The following CAPN11 variants were observed in gnomAD, a reference collection of about 807,000 sequenced individuals.
The protein encoded by CAPN11 is calpain 11.
CAPN11 carries 108 observed loss-of-function variants against 105.3 expected under a neutral mutation model. That is an observed-to-expected ratio of 1.03 (90% CI 0.88 to 1.20). The LOEUF is 1.20. Ranked by LOEUF, CAPN11 falls within the 50% of genes most tolerant of loss-of-function variation. The pLI, the probability that CAPN11 is intolerant of heterozygous loss-of-function variation, is 0.00. For missense variants in CAPN11, 883 were observed against 924.8 expected, an observed-to-expected ratio of 0.95 and a Z score of 0.59; for synonymous variants, 329 against 344.5, an observed-to-expected ratio of 0.96 and a Z score of 0.50.
chr6:44,176,587 G>A lies in CAPN11; in HGVS notation c.1008G>A (p.Arg336=). ...CCGCCCATCTCTGCTCCAGTGCCAG[G>A]GAGTGGGAAGAGGTGGCCTCAGACA... ...EWNGAWSDSA[R]EWEEVASDIQ... is the part of the protein sequence containing the mutation. Residue 336 remains arginine (R), a synonymous_variant, in exon 10 of 23, where the codon AGG becomes AGA. Coordinates refer to ENST00000398776, the MANE Select transcript of CAPN11 (RefSeq NM_007058.4). The A allele has an allele frequency of 1.2e-6, 2 of 1,612,314 alleles. No homozygotes were observed. Among genetic ancestry groups the A allele is most frequent in the South Asian group, 1.1e-5 (1 of 90,952 alleles).
At chr6:44,159,629 G>C (rs973041379) in intron 1 of CAPN11, among the ~76,000 whole-genome samples, 2 of 152,114 alleles carry the variant, frequency 1.3e-5, no homozygotes, top group African/African-American at 4.8e-5. Flanking sequence ...TTGTTCTTCA[G>C]AAGTGCCCTG....
rs575121182 is a variant in CAPN11, at chr6:44,176,947, G to A, written c.1186G>A (p.Glu396Lys). The A allele has an allele frequency of 3.3e-5, 53 of 1,613,884 alleles. No individual in the cohort carries two copies. Among genetic ancestry groups the A allele is most frequent in the South Asian group, 3.1e-4 (28 of 91,084 alleles). ...YKSYWHTTFY[E>K]GSWRRGSSAG... ...GAGCTACTGGCACACCACCTTCTAC[G>A]AGGGCAGCTGGCGCAGAGGCAGCTC... Residue 396 changes from glutamate to lysine, a missense_variant, in exon 11 of 23, where the codon GAG becomes AAG. By Grantham distance (56) the Glu-to-Lys change is moderately conservative. Coordinates refer to ENST00000398776, the MANE Select transcript of CAPN11 (RefSeq NM_007058.4).
In CAPN11 at chr6:44,176,062, C is replaced by T; in HGVS notation, c.832-6C>T. On this transcript the variant is annotated splice_region_variant and splice_polypyrimidine_tract_variant and intron_variant, in intron 7 of 22. Coordinates refer to ENST00000398776, the MANE Select transcript of CAPN11 (RefSeq NM_007058.4). ...TCCATGCTCTCCCTCCCTCTCTGTT[C>T]TGTAGGTCACCAGTGATAGTGAACT... The T allele has an allele frequency of 6.2e-7, 1 of 1,603,678 alleles. No individual in the cohort carries two copies. Among genetic ancestry groups the T allele is most frequent in the South Asian group, 1.1e-5 (1 of 89,746 alleles).
intron 18 of CAPN11, 25 bp downstream of exon 18, chr6:44,181,022 T>C: frequency 6.2e-7 from 1 of 1,602,848 alleles, no homozygotes; most frequent in Non-Finnish European, 8.5e-7. Context: ...AGTGCTCTCT[T>C]GGCCCTGTCC....
At position 44,173,193 on chromosome 6, in the gene CAPN11, AACAGTGCCTTCTCTGTGCCC is replaced by A; in HGVS notation, c.663-20_663-1del. On this transcript the variant is annotated splice_region_variant and splice_polypyrimidine_tract_variant and intron_variant, in intron 6 of 22. Transcript: ENST00000398776. Reference sequence around the variant, plus strand: ...TCCCCTCACCTCCATCCTAGAGCCCAACAGTGCCTTCTCTGTGCCCACAGGCTGAGTGGGTCCTATGAAGC... The same window carrying A: ...TCCCCTCACCTCCATCCTAGAGCCCAACAGGCTGAGTGGGTCCTATGAAGC... 6.2e-7 allele frequency: 1 copy of A among 1,612,932 alleles called. No homozygotes were observed. The highest frequency in any genetic ancestry group is 8.5e-7 in the Non-Finnish European group (1 of 1,179,132).
At chr6:44,179,372 C>G (rs1772746173) in intron 12 of CAPN11, among the ~76,000 whole-genome samples, 1 of 151,012 alleles carries the variant, frequency 6.6e-6, no homozygotes, top group African/African-American at 2.4e-5. Context: ...ATGATCGTGA[C>G]TCACTGCAGC....
intron 3 of CAPN11, 71 bp downstream of exon 3, chr6:44,169,602 G>C: frequency 1.4e-6 from 2 of 1,425,466 alleles, no homozygotes; most frequent in Non-Finnish European, 1.9e-6. Context: ...ATCACTTTTA[G>C]AATCTTCAAT....
rs762610901 is a variant in CAPN11 at position 44,172,363 on chromosome 6, C to T, written c.471C>T (p.Arg157=). Residue 157 remains arginine (R), a synonymous_variant, in exon 5 of 23, where the codon CGC becomes CGT. Transcript: ENST00000398776. The stretch of plus-strand genomic sequence containing the variant: ...CCACCTGCCCCAAACTGCTATACCG[C>T]GTGGTGCCCAGAGGACAGAGCTTCA... ...SLTTCPKLLY[R]VVPRGQSFKK... 19 of 1,562,322 alleles carry T rather than the reference C, an allele frequency of 1.2e-5. No individual in the cohort carries two copies. The highest frequency in any genetic ancestry group is 5.4e-5 in the African/African-American group (4 of 73,502).
intron 16 of CAPN11, 34 bp downstream of exon 16, chr6:44,180,696 G>A: frequency 6.2e-7 from 1 of 1,613,662 alleles, no homozygotes; most frequent in Non-Finnish European, 8.5e-7. Context: ...CTGACAGGAG[G>A]GGGATGAGGG....
In CAPN11 at chr6:44,177,373, C is replaced by A. The variant is rs375678459; in HGVS notation, c.1369C>A (p.Arg457=). 3 of 1,613,854 alleles carry A rather than the reference C, an allele frequency of 1.9e-6. No homozygotes were observed. The South Asian group carries it at 3.3e-5, about 18-fold the overall frequency. ...AATGCAGAAGAACTGGCGGCATGCA[C>A]GGCAGCAGGGAGCCCAGCTGCAGAC... is the stretch of plus-strand genomic sequence containing the variant. ...ALMQKNWRHA[R]QQGAQLQTIG... is the part of the protein sequence containing the mutation. Residue 457 remains arginine (R), a synonymous_variant, in exon 12 of 23, where the codon CGG becomes AGG. Coordinates refer to ENST00000398776, the MANE Select transcript of CAPN11 (RefSeq NM_007058.4).
At chr6:44,176,365 G>A in intron 9 of CAPN11, 27 bp downstream of exon 9, 3 of 1,594,562 alleles carry the variant, frequency 1.9e-6, no homozygotes, top group Non-Finnish European at 2.6e-6. Context: ...CAGGTGAGGG[G>A]TGGTCGGAGG....
chr6:44,176,193 A>AGTAGGAGAACGTCTCCCTGACC, intron 8 of CAPN11, 42 bp downstream of exon 8: 1 of 1,593,606 alleles, frequency 6.3e-7, no homozygotes, highest in Non-Finnish European at 8.6e-7. Flanking sequence ...GACCCTGAGA[A>AGTAGGAGAACGTCTCCCTGACC]GGAGGAGAAC....
intron 22 of CAPN11, 55 bp downstream of exon 22, chr6:44,183,818 A>AAC: frequency 6.3e-7 from 1 of 1,584,972 alleles, no homozygotes; most frequent in Non-Finnish European, 8.6e-7. Context: ...CTGCCCCTCA[A>AAC]CCCCACCCCC....
rs1327867181 is a variant in CAPN11 at position 44,181,549 on chromosome 6, A to G, written c.1938+229A>G. ...AACCACACCACACTCACACACACAC[A>G]CACTCACATACAGACACAACCACAC... On this transcript the variant is annotated intron_variant, in intron 19 of 22. Coordinates refer to ENST00000398776, the MANE Select transcript of CAPN11 (RefSeq NM_007058.4). Among the ~76,000 whole-genome samples, 143 of 92,842 alleles carry G rather than the reference A, an allele frequency of 1.5e-3. 12 individuals carry two copies. The highest frequency in any genetic ancestry group is 2.2e-3 in the Non-Finnish European group (93 of 42,674). 60.9% of individuals were successfully genotyped at this position (92,842 alleles called of 152,430 possible).
chr6:44,176,353 C>A lies in CAPN11; in HGVS notation c.1001+15C>A. 6.2e-7 allele frequency: 1 copy of A among 1,609,002 alleles called. No individual in the cohort carries two copies. Among genetic ancestry groups the A allele is most frequent in the Non-Finnish European group, 8.5e-7 (1 of 1,175,588 alleles). ...TGGAGTGACAGGTAGGTGTCCCCAA[C>A]CCAGGTGAGGGGTGGTCGGAGGATA... is the stretch of plus-strand genomic sequence containing the variant. On this transcript the variant is annotated intron_variant, in intron 9 of 22. Coordinates refer to ENST00000398776, the MANE Select transcript of CAPN11 (RefSeq NM_007058.4).
intron 1 of CAPN11, among the ~76,000 whole-genome samples, chr6:44,160,007 G>A (rs1186771931): frequency 2.6e-5 from 4 of 151,934 alleles, no homozygotes; most frequent in African/African-American, 4.8e-5. Context: ...GGTGGCGGGC[G>A]CCTGTAATCC....
At chr6:44,169,701 ACCT>A (rs1054610846) in intron 3 of CAPN11, among the ~76,000 whole-genome samples, 170 bp downstream of exon 3, 25 of 152,114 alleles carry the variant, frequency 1.6e-4, no homozygotes, top group South Asian at 1.2e-3. Context: ...CTTAAGCCAA[ACCT>A]CCTAGGTAAC....
At chr6:44,181,044 G>A (rs1175810808) in intron 18 of CAPN11, 47 bp downstream of exon 18, 2 of 1,567,128 alleles carry the variant, frequency 1.3e-6, no homozygotes, top group African/African-American at 1.4e-5. Context: ...CTGCCCACAA[G>A]CCTGGCCCAG....
intron 19 of CAPN11, among the ~76,000 whole-genome samples, chr6:44,182,513 T>C (rs949211933): frequency 6.6e-6 from 1 of 152,222 alleles, no homozygotes; most frequent in Non-Finnish European, 1.5e-5. Flanking sequence ...CACCAGATGA[T>C]AGGAATATCA....
Sources: allele counts gnomAD v4.1 joint callset (sites outside exome capture counted in the v4.1 genomes callset), GRCh38; gene constraint gnomAD v4.1.1; transcripts MANE v1.5; gene names NCBI Gene and HGNC (gene_info 2026-07-23, HGNC 2026-07-21).